TMEM132D: variants seen among roughly 807,000 people sequenced by gnomAD.
The protein encoded by TMEM132D is transmembrane protein 132D.
TMEM132D carries 21 observed loss-of-function variants against 62.3 expected under a neutral mutation model. That is an observed-to-expected ratio of 0.34 (90% CI 0.24 to 0.49). The LOEUF (loss-of-function observed/expected upper bound fraction) is 0.49. Ranked by LOEUF, TMEM132D falls within the 20% of genes least tolerant of loss-of-function variation. The pLI, the probability that TMEM132D is intolerant of heterozygous loss-of-function variation, is 0.99. For synonymous variants in TMEM132D, 621 were observed against 575.6 expected (o/e 1.08, Z -1.13); for missense variants, 1,346 against 1,402.8 (o/e 0.96, Z 0.65).
intron 3 of TMEM132D, among the ~76,000 whole-genome samples, chr12:129,526,629 C>T (rs1165418104): frequency 6.6e-6 from 1 of 152,148 alleles, no homozygotes; most frequent in Non-Finnish European, 1.5e-5. Context: ...GGGCACACTG[C>T]TGGTAATAAA....
At chr12:129,221,812 C>T (rs902309035) in intron 4 of TMEM132D, among the ~76,000 whole-genome samples, 2 of 152,184 alleles carry the variant, frequency 1.3e-5, no homozygotes, top group African/African-American at 4.8e-5. Context: ...CTACCCCTGG[C>T]CTCCCAAATA....
intron 1 of TMEM132D, among the ~76,000 whole-genome samples, chr12:129,833,361 G>A (rs577535126): frequency 1.3e-5 from 2 of 152,274 alleles, no homozygotes; most frequent in Admixed American, 1.3e-4. Flanking sequence ...AGCACTTTGG[G>A]AGGCTGAGGT....
chr12:129,528,401 T>A (rs953666603), intron 3 of TMEM132D, among the ~76,000 whole-genome samples: 2 of 148,096 alleles, frequency 1.4e-5, no homozygotes, highest in Non-Finnish European at 3.0e-5. Flanking sequence ...GTTGCAGATG[T>A]CTTATGAAAT....
intron 1 of TMEM132D, among the ~76,000 whole-genome samples, chr12:129,876,805 C>G (rs568357755): frequency 6.6e-6 from 1 of 152,290 alleles, no homozygotes; most frequent in African/African-American, 2.4e-5. Context: ...TCATGAAGCT[C>G]TCTCTCCTCT....
At chr12:129,434,659 G>GT (rs72491572) in intron 3 of TMEM132D, among the ~76,000 whole-genome samples, 2,493 of 146,580 alleles carry the variant, frequency 0.017, 22 homozygotes, top group African/African-American at 0.028. Flanking sequence ...TAAAGTTGTA[G>GT]TTTTTTTTTT....
At chr12:129,490,431 T>A (rs2137059683) in intron 3 of TMEM132D, among the ~76,000 whole-genome samples, 1 of 125,462 alleles carries the variant, frequency 8.0e-6, no homozygotes, top group Non-Finnish European at 1.7e-5. Flanking sequence ...TCCTTTTTTT[T>A]TTTTTTTTTT....
intron 1 of TMEM132D, among the ~76,000 whole-genome samples, chr12:129,780,155 G>T (rs1310656096): frequency 2.0e-5 from 3 of 152,104 alleles, no homozygotes; most frequent in African/African-American, 7.2e-5. Flanking sequence ...CCAAGCCCGA[G>T]CACCGGTCGC....
At chr12:129,510,946 T>C (rs1424376956) in intron 3 of TMEM132D, among the ~76,000 whole-genome samples, 5 of 152,232 alleles carry the variant, frequency 3.3e-5, no homozygotes, top group Non-Finnish European at 7.3e-5. Context: ...TTTAGGTTAC[T>C]ATAGCTCAGT....
chr12:129,664,291 T>A (rs905437003), intron 2 of TMEM132D, among the ~76,000 whole-genome samples: 1 of 152,198 alleles, frequency 6.6e-6, no homozygotes, highest in African/African-American at 2.4e-5. Context: ...AATCCCACCT[T>A]TAAGGGCTGT....
chr12:129,611,971 C>T (rs77144392), intron 2 of TMEM132D, among the ~76,000 whole-genome samples: 1 of 152,162 alleles, frequency 6.6e-6, no homozygotes, highest in African/African-American at 2.4e-5. Flanking sequence ...CAGCTCACAA[C>T]GCAGACACTG....
At chr12:129,175,862 A>T (rs1398088494) in intron 5 of TMEM132D, among the ~76,000 whole-genome samples, 1 of 152,210 alleles carries the variant, frequency 6.6e-6, no homozygotes, top group Non-Finnish European at 1.5e-5. Flanking sequence ...TATGTCCAAA[A>T]TCCTTCTAGG....
chr12:129,335,753 T>G (rs543194121), intron 4 of TMEM132D, among the ~76,000 whole-genome samples: 1 of 152,292 alleles, frequency 6.6e-6, no homozygotes, highest in South Asian at 2.1e-4. Flanking sequence ...GTAACAGAAT[T>G]TGAGCAATCT....
chr12:129,504,134 C>G (rs1875257390), intron 3 of TMEM132D, among the ~76,000 whole-genome samples: 1 of 151,990 alleles, frequency 6.6e-6, no homozygotes, highest in African/African-American at 2.4e-5. Flanking sequence ...AACACCATCA[C>G]CACCCTCATC....
chr12:129,190,089 T>G (rs1435982849), intron 5 of TMEM132D, among the ~76,000 whole-genome samples: 15 of 105,718 alleles, frequency 1.4e-4, no homozygotes, highest in Admixed American at 5.1e-4. Context: ...AGGAAGGGAG[T>G]CTCAGGCTTG....
intron 8 of TMEM132D, among the ~76,000 whole-genome samples, chr12:129,076,019 C>A (rs1874241160): frequency 6.6e-6 from 1 of 151,924 alleles, no homozygotes; most frequent in East Asian, 1.9e-4. Flanking sequence ...GCCACAGCAA[C>A]AGCTGATTGA....
At chr12:129,431,478 A>G (rs1872653096) in intron 3 of TMEM132D, among the ~76,000 whole-genome samples, 1 of 152,136 alleles carries the variant, frequency 6.6e-6, no homozygotes, top group Non-Finnish European at 1.5e-5. Flanking sequence ...TGCACACGGG[A>G]TGCCTTTTGG....
At chr12:129,119,458 C>A (rs576953821) in intron 5 of TMEM132D, among the ~76,000 whole-genome samples, 1 of 152,130 alleles carries the variant, frequency 6.6e-6, no homozygotes, top group African/African-American at 2.4e-5. Flanking sequence ...AGAATGAAAT[C>A]GTATCTTTTT....
intron 2 of TMEM132D, among the ~76,000 whole-genome samples, chr12:129,623,356 G>A (rs1320277939): frequency 6.6e-6 from 1 of 152,064 alleles, no homozygotes; most frequent in East Asian, 1.9e-4. Flanking sequence ...AGTGGTGAAG[G>A]CTGGGCTTTC....
At chr12:129,172,609 A>T (rs1284350578) in intron 5 of TMEM132D, among the ~76,000 whole-genome samples, 1 of 151,830 alleles carries the variant, frequency 6.6e-6, no homozygotes, top group Non-Finnish European at 1.5e-5. Flanking sequence ...ATAGAGTTTC[A>T]CTCTTGTTGC....
Sources: gnomAD v4.1 joint callset for allele counts (sites outside exome capture counted in the v4.1 genomes callset) on GRCh38, gnomAD v4.1.1 for gene constraint, MANE v1.5 for transcripts, NCBI Gene and HGNC (gene_info 2026-07-23, HGNC 2026-07-21) for gene names.